ARMH3: variants seen among roughly 807,000 people sequenced by gnomAD.
ARMH3 encodes the protein armadillo-like helical domain-containing protein 3.
Under a neutral mutation model 99.1 loss-of-function variants are expected in ARMH3, and 60 were observed. The ratio of observed to expected loss-of-function variants is 0.61; its 90% CI spans 0.49 to 0.75. The LOEUF (loss-of-function observed/expected upper bound fraction) is 0.75, where lower values mean the gene tolerates loss of function less well. ARMH3 is among the 30% of genes least tolerant of loss of function. The pLI, the probability that ARMH3 is intolerant of heterozygous loss-of-function variation, is 0.00. For synonymous variants in ARMH3, 285 were observed against 292.8 expected, an observed-to-expected ratio of 0.97 and a Z score of 0.27; for missense variants, 679 against 843.1, an observed-to-expected ratio of 0.81 and a Z score of 2.41.
At chr10:101,849,740 C>A in intron 25 of ARMH3, 36 bp downstream of exon 25, 9 of 1,571,926 alleles carry the variant, frequency 5.7e-6, no homozygotes, top group Non-Finnish European at 7.9e-6. Flanking sequence ...TGGGGGCGGG[C>A]CCCTAAGACA....
chr10:102,052,750 C>T (rs1249499244), intron 1 of ARMH3, among the ~76,000 whole-genome samples: 1 of 152,030 alleles, frequency 6.6e-6, no homozygotes, highest in East Asian at 1.9e-4. Flanking sequence ...ATAAAATAAA[C>T]ATTTTTTTTT....
intron 1 of ARMH3, among the ~76,000 whole-genome samples, chr10:102,050,833 G>A (rs1406396854): frequency 3.4e-5 from 5 of 149,140 alleles, no homozygotes; most frequent in African/African-American, 1.2e-4. Flanking sequence ...CTCCAGCCTG[G>A]GTGACAGAAC....
intron 24 of ARMH3, among the ~76,000 whole-genome samples, chr10:101,879,527 T>G (rs1357364870): frequency 6.6e-6 from 1 of 152,018 alleles, no homozygotes; most frequent in Non-Finnish European, 1.5e-5. Context: ...TTTTTTTGTA[T>G]TTTTAGTAGA....
intron 24 of ARMH3, among the ~76,000 whole-genome samples, chr10:101,878,831 A>C (rs2067335939): frequency 6.6e-6 from 1 of 151,952 alleles, no homozygotes; most frequent in Non-Finnish European, 1.5e-5. Flanking sequence ...TGTCTCTAAA[A>C]ATTAAAAAAA....
intron 24 of ARMH3, among the ~76,000 whole-genome samples, chr10:101,874,308 CA>C (rs140070057): frequency 6.7e-4 from 99 of 148,010 alleles, no homozygotes; most frequent in African/African-American, 1.8e-3. Context: ...CAGGACTAGT[CA>C]AAAAAAAAAT....
chr10:101,904,741 C>T (rs1437147746), intron 23 of ARMH3, among the ~76,000 whole-genome samples: 1 of 151,706 alleles, frequency 6.6e-6, no homozygotes, highest in African/African-American at 2.4e-5. Flanking sequence ...ATTACGAGGT[C>T]GGGAGATTGA....
At chr10:101,963,456 A>G (rs1184633113) in intron 20 of ARMH3, among the ~76,000 whole-genome samples, 1 of 152,002 alleles carries the variant, frequency 6.6e-6, no homozygotes, top group Non-Finnish European at 1.5e-5. Context: ...TTTTTAGTAG[A>G]GACGGGGTTT....
At chr10:101,939,716 C>G in intron 23 of ARMH3, 147 bp downstream of exon 23, 2 of 587,216 alleles carry the variant, frequency 3.4e-6, no homozygotes, top group Non-Finnish European at 5.8e-6. Context: ...TCCTGCTTTT[C>G]TTGATCAAGT....
intron 24 of ARMH3, among the ~76,000 whole-genome samples, chr10:101,864,611 G>T (rs2066955600): frequency 6.6e-6 from 1 of 152,158 alleles, no homozygotes; most frequent in Non-Finnish European, 1.5e-5. Flanking sequence ...GATGAAGCTG[G>T]AAACCATAAT....
At chr10:101,912,491 G>C (rs1842909636) in intron 23 of ARMH3, among the ~76,000 whole-genome samples, 1 of 150,820 alleles carries the variant, frequency 6.6e-6, no homozygotes, top group South Asian at 2.1e-4. Context: ...AATTTCATTA[G>C]ATACCATTTC....
At chr10:101,948,379 T>C (rs1454750381) in intron 22 of ARMH3, among the ~76,000 whole-genome samples, 1 of 152,162 alleles carries the variant, frequency 6.6e-6, no homozygotes, top group African/African-American at 2.4e-5. Context: ...TCAAGCTATA[T>C]AGCAAGAACT....
At chr10:101,981,072 T>G (rs1590125978) in intron 19 of ARMH3, among the ~76,000 whole-genome samples, 3 of 137,484 alleles carry the variant, frequency 2.2e-5, no homozygotes, top group African/African-American at 5.5e-5. Context: ...GGTTGGGGGG[T>G]GAGGGGAGGG....
intron 24 of ARMH3, 62 bp from the exon 25 acceptor site, chr10:101,849,954 A>G: frequency 6.9e-7 from 1 of 1,448,002 alleles, no homozygotes; most frequent in Non-Finnish European, 9.7e-7. Context: ...CCTGAGCCCC[A>G]TTCTGCTGAT....
At chr10:101,872,253 G>A (rs1007684282) in intron 24 of ARMH3, among the ~76,000 whole-genome samples, 1 of 146,188 alleles carries the variant, frequency 6.8e-6, no homozygotes, top group African/African-American at 2.6e-5. Flanking sequence ...GTAACAACGT[G>A]TGTGTGTGTG....
In ARMH3 at chr10:102,010,356, T is replaced by C. The variant is rs181673640; in HGVS notation, c.832-333A>G. 3.6e-3 allele frequency among the ~76,000 whole-genome samples: 546 copies of C among 152,366 alleles called. 10 individuals are homozygous for C. The South Asian group carries it at 0.071, about 20-fold the overall frequency. On this transcript the variant is annotated intron_variant, in intron 11 of 25. Transcript: ENST00000370033. Reference sequence around the variant, plus strand: ...AGTTTAGTCCCTCTGACAGTTAACCTACACATCTTCATCACTCTGTATCTT... The same window carrying C: ...AGTTTAGTCCCTCTGACAGTTAACCCACACATCTTCATCACTCTGTATCTT...
chr10:102,054,958 T>C (rs1410564804), intron 1 of ARMH3, among the ~76,000 whole-genome samples: 1 of 149,858 alleles, frequency 6.7e-6, no homozygotes, highest in Non-Finnish European at 1.5e-5. Context: ...ATCACGCCAT[T>C]GCACTCCAGC....
intron 25 of ARMH3, 59 bp from the exon 26 acceptor site, chr10:101,847,679 G>T: frequency 6.6e-7 from 1 of 1,505,552 alleles, no homozygotes; most frequent in South Asian, 1.1e-5. Flanking sequence ...ACAGGAGAGA[G>T]TCAGTTCTAA....
At chr10:101,961,924 A>G (rs1845315528) in intron 20 of ARMH3, among the ~76,000 whole-genome samples, 1 of 152,246 alleles carries the variant, frequency 6.6e-6, no homozygotes, top group African/African-American at 2.4e-5. Context: ...TGAAGATATG[A>G]GGGACAGGAT....
At chr10:101,853,507 C>T (rs1372990936) in intron 24 of ARMH3, among the ~76,000 whole-genome samples, 2 of 152,208 alleles carry the variant, frequency 1.3e-5, no homozygotes, top group Non-Finnish European at 2.9e-5. Context: ...AGAGCCTCTG[C>T]CTAAAGGCCT....
Sources: allele counts gnomAD v4.1 joint callset (sites outside exome capture counted in the v4.1 genomes callset), GRCh38; gene constraint gnomAD v4.1.1; transcripts MANE v1.5; gene names NCBI Gene and HGNC (gene_info 2026-07-23, HGNC 2026-07-21).